SASH1: variants seen among roughly 807,000 people sequenced by gnomAD.
SASH1 encodes SAM and SH3 domain containing 1, also known as SAM and SH3 domain-containing protein 1.
SASH1 carries 44 observed loss-of-function variants against 125.2 expected under a neutral mutation model. That is an observed-to-expected ratio of 0.35 (90% CI 0.28 to 0.45). The LOEUF (loss-of-function observed/expected upper bound fraction) is 0.45. Ranked by LOEUF, SASH1 falls within the 20% of genes least tolerant of loss-of-function variation. The pLI is 1.00. For missense variants in SASH1, 1,426 were observed against 1,614.5 expected, an observed-to-expected ratio of 0.88 and a Z score of 2.00; for synonymous variants, 639 against 649.1, an observed-to-expected ratio of 0.98 and a Z score of 0.24.
intron 4 of SASH1, among the ~76,000 whole-genome samples, chr6:148,463,091 A>G (rs148463378): frequency 1.3e-5 from 2 of 152,298 alleles, no homozygotes; most frequent in Non-Finnish European, 2.9e-5. Context: ...ACTCACTGGA[A>G]AAGAAAATAT....
At position 148,546,081 on chromosome 6, in the gene SASH1, C is replaced by T. The variant is rs200999161; in HGVS notation, c.3415C>T (p.Arg1139Trp). 3.5e-4 allele frequency: 565 copies of T among 1,614,214 alleles called. 2 individuals are homozygous for T. Among genetic ancestry groups the T allele is most frequent in the Admixed American group, 6.5e-4 (39 of 60,024 alleles). The part of the protein sequence containing the change: ...RYAEDLDQPE[R>W]DVAANMDQIR... ...CGCAGAGGACTTGGATCAGCCCGAG[C>T]GGGACGTCGCCGCCAACATGGACCA... Residue 1139 changes from arginine (R) to tryptophan (W), a missense_variant, in exon 19 of 20, where the codon CGG (arginine) becomes TGG (tryptophan). Around this residue, in one of 3 missense-constraint regions of SASH1, gnomAD observed 634 missense variants for 694.4 expected, o/e 0.91. Coordinates refer to ENST00000367467, the MANE Select transcript of SASH1 (RefSeq NM_015278.5).
rs187065695 is a variant in SASH1 at position 148,387,301 on chromosome 6, G to T, written c.157-2833G>T. Among the ~76,000 whole-genome samples the T allele has an allele frequency of 3.5e-3, 532 of 151,654 alleles. 4 individuals are homozygous for T. The highest frequency in any genetic ancestry group is 7.6e-3 in the Admixed American group (115 of 15,230). ...CCCAGCTAATTTTTTTGTATTTTTA[G>T]TAGAGACGGGGTTTCACCATGTTGG... On this transcript the variant is annotated intron_variant, in intron 1 of 19. Coordinates refer to ENST00000367467, the MANE Select transcript of SASH1 (RefSeq NM_015278.5).
At chr6:148,255,169 C>T in the SASH1 span, among the ~76,000 whole-genome samples, 5,039 of 152,270 alleles carry the variant, frequency 0.033, 197 homozygotes, top group Admixed American at 0.093. Context: ...CAAAATACCA[C>T]AGTCTGGGTG....
chr6:148,386,906 T>C (rs533952979), intron 1 of SASH1, among the ~76,000 whole-genome samples: 17 of 152,056 alleles, frequency 1.1e-4, no homozygotes, highest in Non-Finnish European at 2.2e-4. Context: ...GTGAGCACTT[T>C]GTTTCTTTGA....
At chr6:148,348,987 C>G (rs1161448868) in intron 1 of SASH1, among the ~76,000 whole-genome samples, 1 of 152,120 alleles carries the variant, frequency 6.6e-6, no homozygotes, top group Non-Finnish European at 1.5e-5. Flanking sequence ...CCAGACATAC[C>G]TTTGGATTTG....
chr6:148,450,607 CATT>C (rs1252809201), intron 4 of SASH1, among the ~76,000 whole-genome samples: 1 of 151,760 alleles, frequency 6.6e-6, no homozygotes, highest in Non-Finnish European at 1.5e-5. Flanking sequence ...ATCATATCAT[CATT>C]GTTGTTAACA....
At chr6:148,389,252 G>T (rs1583069438) in intron 1 of SASH1, among the ~76,000 whole-genome samples, 1 of 152,224 alleles carries the variant, frequency 6.6e-6, no homozygotes, top group Admixed American at 6.5e-5. Context: ...TGAAGTAGGT[G>T]TTGTGATTAT....
the SASH1 span, among the ~76,000 whole-genome samples, chr6:148,206,340 C>A: frequency 3.9e-5 from 6 of 152,178 alleles, no homozygotes; most frequent in Admixed American, 3.3e-4. Context: ...TCATATGAAA[C>A]TTTATCCCAT....
At chr6:148,475,811 C>T (rs1171302057) in intron 7 of SASH1, among the ~76,000 whole-genome samples, 3 of 152,214 alleles carry the variant, frequency 2.0e-5, no homozygotes, top group Admixed American at 6.5e-5. Context: ...AAACCCTATA[C>T]ATACTATGTA....
intron 2 of SASH1, among the ~76,000 whole-genome samples, chr6:148,407,961 C>G (rs1004346346): frequency 6.6e-6 from 1 of 151,922 alleles, no homozygotes; most frequent in East Asian, 1.9e-4. Context: ...AACCTCCATA[C>G]TGGCTATGCC....
chr6:148,468,715 A>T, intron 5 of SASH1, 130 bp downstream of exon 5: 1 of 611,914 alleles, frequency 1.6e-6, no homozygotes, highest in Non-Finnish European at 2.8e-6. Flanking sequence ...ATTTTGATGT[A>T]CATCCTTATT....
intron 1 of SASH1, among the ~76,000 whole-genome samples, chr6:148,376,921 A>G (rs2114768051): frequency 6.6e-6 from 1 of 152,090 alleles, no homozygotes. Flanking sequence ...CTGTAATCCC[A>G]GCACTTTGGG....
chr6:148,199,145 G>T, the SASH1 span, among the ~76,000 whole-genome samples: 2 of 152,182 alleles, frequency 1.3e-5, no homozygotes, highest in African/African-American at 4.8e-5. Flanking sequence ...ACTTTGAGAG[G>T]CCAAGGCAGG....
rs1448146392 is a variant in SASH1 at position 148,533,925 on chromosome 6, G to A, written c.1889G>A (p.Gly630Glu). The A allele has an allele frequency of 1.9e-6, 3 of 1,613,888 alleles. No individual in the cohort carries two copies. Among genetic ancestry groups the A allele is most frequent in the Admixed American group, 1.7e-5 (1 of 59,994 alleles). ...PKRPTRRRRKGRPPQPKSVED... is the reference protein window; with the variant it reads ...PKRPTRRRRKERPPQPKSVED... ...CGCCCCACCAGGAGGCGTCGGAAAG[G>A]ACGACCACCCCAGCCCAAGTCTGTG... Residue 630 changes from glycine to glutamate, a missense_variant, in exon 15 of 20, where the codon GGA (glycine) becomes GAA (glutamate). This residue lies in a region of SASH1 where 225 missense variants were observed against 344.5 expected (regional missense o/e 0.65). Transcript: ENST00000367467. This position sits in a 1 kb window ranked among gnomAD's most constrained non-coding sequence, Gnocchi z 6.2.
At chr6:148,437,649 A>G (rs780058075) in intron 2 of SASH1, among the ~76,000 whole-genome samples, 3 of 152,262 alleles carry the variant, frequency 2.0e-5, no homozygotes, top group Non-Finnish European at 2.9e-5. Flanking sequence ...ACAAGACGGC[A>G]TTGCGTGATG....
intron 7 of SASH1, among the ~76,000 whole-genome samples, chr6:148,482,833 C>T (rs1380459270): frequency 6.6e-6 from 1 of 152,008 alleles, no homozygotes; most frequent in African/African-American, 2.4e-5. Flanking sequence ...GGACTACAGG[C>T]ACGTGCCACA....
At chr6:148,372,969 C>G (rs1477549110) in intron 1 of SASH1, among the ~76,000 whole-genome samples, 1 of 151,870 alleles carries the variant, frequency 6.6e-6, no homozygotes. Context: ...ACGAGGTGGG[C>G]AGATCACCTG....
chr6:148,314,646 C>T (rs1342926099), intron 1 of SASH1, among the ~76,000 whole-genome samples: 2 of 152,090 alleles, frequency 1.3e-5, no homozygotes, highest in South Asian at 2.1e-4. Context: ...TTCTTTCTTG[C>T]GTCTCCACCC....
At chr6:148,311,129 C>T (rs1307594732) in intron 1 of SASH1, among the ~76,000 whole-genome samples, 4 of 150,144 alleles carry the variant, frequency 2.7e-5, no homozygotes, top group African/African-American at 7.4e-5. Flanking sequence ...CCCCCCAAGA[C>T]GGAGTGTCAC....
Sources: allele counts gnomAD v4.1 joint callset (sites outside exome capture counted in the v4.1 genomes callset), GRCh38; gene constraint gnomAD v4.1.1; regional missense constraint gnomAD v4.1.1; non-coding constraint Gnocchi (gnomAD v3.1); transcripts MANE v1.5; gene names NCBI Gene and HGNC (gene_info 2026-07-23, HGNC 2026-07-21).